GALNT13: variants seen among roughly 807,000 people sequenced by gnomAD.
GALNT13 encodes the protein UDP-GalNAc:polypeptide N-acetylgalactosaminyltransferase 13.
Under a neutral mutation model 64.2 loss-of-function variants are expected in GALNT13, and 28 were observed. The ratio of observed to expected loss-of-function variants is 0.44; its 90% confidence interval spans 0.32 to 0.60. The LOEUF (loss-of-function observed/expected upper bound fraction) is 0.60, where lower values mean the gene tolerates loss of function less well. Ranked by LOEUF, GALNT13 falls within the 20% of genes least tolerant of loss-of-function variation. The pLI is 0.05. For missense variants in GALNT13, 577 were observed against 669.8 expected, an observed-to-expected ratio of 0.86 and a Z score of 1.53; for synonymous variants, 214 against 224.6, an observed-to-expected ratio of 0.95 and a Z score of 0.42.
chr2:153,249,976 T>C, the GALNT13 span, among the ~76,000 whole-genome samples: 4 of 151,986 alleles, frequency 2.6e-5, no homozygotes, highest in East Asian at 7.8e-4. Flanking sequence ...GATCTCATAG[T>C]CATAAGATTT....
the GALNT13 span, among the ~76,000 whole-genome samples, chr2:153,462,414 AT>A: frequency 6.6e-6 from 1 of 152,070 alleles, no homozygotes; most frequent in Non-Finnish European, 1.5e-5. Context: ...TCATACTCTA[AT>A]TTCTTGGCAA....
the GALNT13 span, among the ~76,000 whole-genome samples, chr2:153,255,061 C>T: frequency 1.7e-4 from 26 of 152,240 alleles, no homozygotes; most frequent in African/African-American, 5.8e-4. Context: ...CTAATGTTGA[C>T]AGCGGGGTGT....
the GALNT13 span, among the ~76,000 whole-genome samples, chr2:153,602,043 T>C: frequency 6.6e-6 from 1 of 151,834 alleles, no homozygotes; most frequent in Non-Finnish European, 1.5e-5. Context: ...CCAACTTATC[T>C]GTGATACCGC....
chr2:153,791,939 A>G, the GALNT13 span, among the ~76,000 whole-genome samples: 4 of 152,068 alleles, frequency 2.6e-5, no homozygotes, highest in Admixed American at 6.5e-5. Flanking sequence ...GAGGGGGAGG[A>G]TTAGAAAAAA....
intron 8 of GALNT13, among the ~76,000 whole-genome samples, chr2:154,282,850 A>G (rs1021408467): frequency 6.6e-6 from 1 of 152,152 alleles, no homozygotes; most frequent in Non-Finnish European, 1.5e-5. Flanking sequence ...ATTACCTCAG[A>G]CTTCAACTCT....
intron 3 of GALNT13, among the ~76,000 whole-genome samples, chr2:154,020,937 G>A (rs1222121066): frequency 6.6e-6 from 1 of 152,056 alleles, no homozygotes; most frequent in Non-Finnish European, 1.5e-5. Flanking sequence ...AGTTTTCCCA[G>A]CACCATTTAT....
chr2:153,353,378 C>CA, the GALNT13 span, among the ~76,000 whole-genome samples: 1 of 152,096 alleles, frequency 6.6e-6, no homozygotes, highest in Admixed American at 6.6e-5. Flanking sequence ...CCTACATAGA[C>CA]AGTCATGTCA....
At chr2:153,800,112 T>C in the GALNT13 span, among the ~76,000 whole-genome samples, 1 of 131,306 alleles carries the variant, frequency 7.6e-6, no homozygotes, top group African/African-American at 2.7e-5. Flanking sequence ...CACACATGCA[T>C]ATCTCAGAGA....
chr2:154,333,301 C>T (rs1695267107), intron 9 of GALNT13, among the ~76,000 whole-genome samples: 1 of 151,886 alleles, frequency 6.6e-6, no homozygotes, highest in Non-Finnish European at 1.5e-5. Context: ...GTAAAAAATA[C>T]ATAAATGTTT....
At chr2:153,625,782 G>T in the GALNT13 span, among the ~76,000 whole-genome samples, 1 of 151,982 alleles carries the variant, frequency 6.6e-6, no homozygotes, top group Admixed American at 6.6e-5. Flanking sequence ...CCAGACAGGG[G>T]ATCGTTCTTC....
At chr2:153,956,887 T>G (rs12052466) in intron 3 of GALNT13, among the ~76,000 whole-genome samples, 10,722 of 152,232 alleles carry the variant, frequency 0.07, 445 homozygotes, top group Middle Eastern at 0.13. Flanking sequence ...ATTCCATTCT[T>G]TCACTTTTAA....
intron 3 of GALNT13, among the ~76,000 whole-genome samples, chr2:154,057,735 A>G (rs921661201): frequency 2.6e-5 from 4 of 152,172 alleles, no homozygotes; most frequent in African/African-American, 9.7e-5. Flanking sequence ...GAAATATTTG[A>G]CTAAGATTTA....
intron 2 of GALNT13, among the ~76,000 whole-genome samples, chr2:153,926,804 A>G (rs978138967): frequency 5.9e-5 from 9 of 152,258 alleles, no homozygotes; most frequent in Admixed American, 2.0e-4. Flanking sequence ...CCGTATCACT[A>G]TTATTGGTGA....
At chr2:154,021,547 A>G (rs1574348749) in intron 3 of GALNT13, among the ~76,000 whole-genome samples, 6 of 152,160 alleles carry the variant, frequency 3.9e-5, no homozygotes, top group African/African-American at 1.4e-4. Context: ...TTGTATATTG[A>G]TTTTGTATCC....
chr2:154,118,943 T>G (rs2105511129), intron 3 of GALNT13, among the ~76,000 whole-genome samples: 1 of 152,302 alleles, frequency 6.6e-6, no homozygotes, highest in Middle Eastern at 3.4e-3. Context: ...GTTTTGCATT[T>G]TAATGCCCAT....
At chr2:153,585,264 A>T in the GALNT13 span, among the ~76,000 whole-genome samples, 1 of 152,180 alleles carries the variant, frequency 6.6e-6, no homozygotes, top group Non-Finnish European at 1.5e-5. Flanking sequence ...AGACAGAAAA[A>T]TTCTTTGAAG....
the GALNT13 span, among the ~76,000 whole-genome samples, chr2:153,295,388 C>T: frequency 6.6e-6 from 1 of 152,096 alleles, no homozygotes; most frequent in Non-Finnish European, 1.5e-5. Flanking sequence ...TCTCACATTA[C>T]AGTCTTAGTA....
At chr2:153,916,103 C>T (rs917373710) in intron 2 of GALNT13, among the ~76,000 whole-genome samples, 7 of 150,210 alleles carry the variant, frequency 4.7e-5, no homozygotes, top group Non-Finnish European at 8.9e-5. Flanking sequence ...TTCCTTCTGT[C>T]CTTCCTTCCT....
the GALNT13 span, among the ~76,000 whole-genome samples, chr2:153,120,615 T>C: frequency 6.6e-6 from 1 of 152,226 alleles, no homozygotes; most frequent in African/African-American, 2.4e-5. Context: ...TTCCTTTTAG[T>C]TGGAATTTTA....
Sources: allele counts gnomAD v4.1 joint callset (sites outside exome capture counted in the v4.1 genomes callset), GRCh38; gene constraint gnomAD v4.1.1; transcripts MANE v1.5; gene names NCBI Gene and HGNC (gene_info 2026-07-23, HGNC 2026-07-21).